TTBK2: variants seen among roughly 807,000 people sequenced by gnomAD.
The protein encoded by TTBK2 is tau tubulin kinase 2.
A neutral mutation model predicts 110.8 loss-of-function variants in TTBK2; 28 were observed. The observed-to-expected ratio is 0.25, with a 90% CI of 0.19 to 0.35. TTBK2 has a LOEUF of 0.35. Among genes scored for constraint, TTBK2 ranks in the 10% least tolerant of loss-of-function variants. TTBK2 has a pLI of 1.00. For missense variants in TTBK2, 1,369 were observed against 1,500.3 expected (o/e 0.91, Z 1.45); for synonymous variants, 532 against 527.3 (o/e 1.01, Z -0.12).
intron 3 of TTBK2, among the ~76,000 whole-genome samples, chr15:42,864,769 T>C (rs1219557949): frequency 2.0e-5 from 3 of 152,250 alleles, no homozygotes; most frequent in Middle Eastern, 3.4e-3. Context: ...GAAAGTAATA[T>C]AGGGTAGAAA....
At chr15:42,889,695 T>C (rs1895379262) in intron 1 of TTBK2, among the ~76,000 whole-genome samples, 2 of 152,164 alleles carry the variant, frequency 1.3e-5, no homozygotes, top group African/African-American at 4.8e-5. Context: ...AGTTTCTCAA[T>C]TGATACAAAA....
At chr15:42,757,381 G>A (rs1320921905) in intron 13 of TTBK2, among the ~76,000 whole-genome samples, 1 of 152,148 alleles carries the variant, frequency 6.6e-6, no homozygotes, top group Non-Finnish European at 1.5e-5. Flanking sequence ...AAAGTGCTGG[G>A]ATTACAGGTA....
chr15:42,797,227 CTCTG>C (rs1204004156), intron 9 of TTBK2, among the ~76,000 whole-genome samples: 2 of 152,242 alleles, frequency 1.3e-5, no homozygotes, highest in African/African-American at 2.4e-5. Context: ...CTGCTAAATT[CTCTG>C]TCTGTACTGT....
rs763349305 is a variant in TTBK2 at position 42,758,319 on chromosome 15, C to T, written c.1999-5072G>A. Among the ~76,000 whole-genome samples the T allele has an allele frequency of 5.3e-5, 8 of 152,216 alleles. No individual in the cohort carries two copies. The East Asian group carries it at 5.8e-4, about 11-fold the overall frequency. ...TAGCCATTCAAATTCTACCATAGAC[C>T]TTTTTTGTCTAAAGCAGCTTTATAT... is the stretch of plus-strand genomic sequence containing the variant. On this transcript the variant is annotated intron_variant, in intron 13 of 14. Transcript: ENST00000267890.
At chr15:42,881,700 C>T (rs1270855612) in intron 1 of TTBK2, among the ~76,000 whole-genome samples, 1 of 151,796 alleles carries the variant, frequency 6.6e-6, no homozygotes, top group Non-Finnish European at 1.5e-5. Flanking sequence ...GGTGAAACCC[C>T]ATCTCTACTA....
At position 42,837,320 on chromosome 15, in the gene TTBK2, T is replaced by C. The variant is rs574476349; in HGVS notation, c.291+3040A>G. Reference sequence around the variant, plus strand: ...TTGCAGTGAGCTGAGATCACGCCACTGCACTCCAGCCTGGGTGACAAAGCG... The same window carrying C: ...TTGCAGTGAGCTGAGATCACGCCACCGCACTCCAGCCTGGGTGACAAAGCG... On this transcript the variant is annotated intron_variant, in intron 4 of 14. Transcript: ENST00000267890. 1.4e-3 allele frequency among the ~76,000 whole-genome samples: 199 copies of C among 145,162 alleles called. 1 individual carries two copies. The highest frequency in any genetic ancestry group is 7.1e-3 in the Middle Eastern group (2 of 282).
intron 1 of TTBK2, among the ~76,000 whole-genome samples, chr15:42,893,897 C>T (rs1489199321): frequency 6.6e-6 from 1 of 152,184 alleles, no homozygotes; most frequent in Non-Finnish European, 1.5e-5. Context: ...CAAACTACCA[C>T]AATTCACCCA....
At chr15:42,771,317 C>T (rs1889665502) in intron 13 of TTBK2, among the ~76,000 whole-genome samples, 1 of 151,970 alleles carries the variant, frequency 6.6e-6, no homozygotes, top group Non-Finnish European at 1.5e-5. Flanking sequence ...AATTACCATG[C>T]TAAAAAAAAA....
intron 9 of TTBK2, chr15:42,801,830 G>C (rs765441112): frequency 1.1e-6 from 1 of 885,034 alleles, no homozygotes; most frequent in Non-Finnish European, 1.9e-6. Context: ...TCCTTGATGA[G>C]CACAAATTCA....
chr15:42,868,271 A>G (rs1310754444), intron 3 of TTBK2, among the ~76,000 whole-genome samples: 1 of 152,214 alleles, frequency 6.6e-6, no homozygotes, highest in Non-Finnish European at 1.5e-5. Flanking sequence ...CTATATACAC[A>G]TAATGGTGGA....
At chr15:42,903,407 A>G (rs915429401) in intron 1 of TTBK2, among the ~76,000 whole-genome samples, 1 of 152,240 alleles carries the variant, frequency 6.6e-6, no homozygotes, top group African/African-American at 2.4e-5. Context: ...TACACTTAAA[A>G]ATGCTTAAAA....
chr15:42,753,018 G>C lies in TTBK2; in HGVS notation c.2228C>G (p.Pro743Arg). 1 of 1,614,058 alleles carries C rather than the reference G, an allele frequency of 6.2e-7. No homozygotes were observed. The highest frequency in any genetic ancestry group is 8.5e-7 in the Non-Finnish European group (1 of 1,180,024). ...QIDHIGHDMLPNIRESNKSQD... is the reference protein window; with the variant it reads ...QIDHIGHDMLRNIRESNKSQD... ...AGATTTGTTACTTTCTCTAATGTTGGGTAACATGTCATGACCAATGTGATC... is the reference window on the plus strand; with the variant it reads ...AGATTTGTTACTTTCTCTAATGTTGCGTAACATGTCATGACCAATGTGATC... Residue 743 changes from proline to arginine, a missense_variant, in exon 14 of 15, where the codon CCC (proline) becomes CGC (arginine). Physicochemically the swap from Pro to Arg is moderately radical, Grantham distance 103. This residue lies in a region of TTBK2 where 1,097 missense variants were observed against 1,114.7 expected (regional missense o/e 0.98). Coordinates refer to ENST00000267890, the MANE Select transcript of TTBK2 (RefSeq NM_173500.4).
chr15:42,794,779 T>C lies in TTBK2; in HGVS notation c.845A>G (p.Asn282Ser), dbSNP rs1449074874. The C allele has an allele frequency of 6.2e-7, 1 of 1,614,120 alleles. No individual in the cohort carries two copies. The highest frequency in any genetic ancestry group is 1.1e-5 in the South Asian group (1 of 91,088). ...AATTACTCCAAAAGTCTTGATGCTA[T>C]TGTCAAACACGGATGTAAGAAGCTA... is the stretch of plus-strand genomic sequence containing the variant. ...DYQLLTSVFDNSIKTFGVIES... is the reference protein window; with the variant it reads ...DYQLLTSVFDSSIKTFGVIES... The change falls in exon 10 of 15, where the codon AAT becomes AGT. Residue 282 changes from asparagine to serine, a missense_variant. By Grantham distance (46) the Asn-to-Ser change is conservative. Transcript: ENST00000267890.
chr15:42,787,995 A>T (rs1890482391), intron 10 of TTBK2, among the ~76,000 whole-genome samples: 1 of 152,018 alleles, frequency 6.6e-6, no homozygotes, highest in South Asian at 2.1e-4. Flanking sequence ...ACAGCATGTC[A>T]CTGTTCTGAA....
intron 4 of TTBK2, 145 bp from the exon 5 acceptor site, chr15:42,830,223 T>C (rs1018956095): frequency 5.2e-6 from 5 of 969,702 alleles, no homozygotes; most frequent in Non-Finnish European, 7.7e-6. Context: ...GTTTCACTCT[T>C]GTTGCCCAGG....
At chr15:42,788,201 G>C (rs144865628) in intron 10 of TTBK2, among the ~76,000 whole-genome samples, 15 of 152,224 alleles carry the variant, frequency 9.9e-5, no homozygotes, top group African/African-American at 3.6e-4. Context: ...CAGTAAAAGG[G>C]CCTTTGATAT....
intron 13 of TTBK2, among the ~76,000 whole-genome samples, chr15:42,758,396 C>A (rs1239479356): frequency 1.3e-5 from 2 of 152,232 alleles, no homozygotes; most frequent in African/African-American, 4.8e-5. Flanking sequence ...TGGCTCACGC[C>A]TGTAATCCCA....
intron 4 of TTBK2, among the ~76,000 whole-genome samples, chr15:42,833,259 A>G (rs1892839161): frequency 6.6e-6 from 1 of 151,218 alleles, no homozygotes; most frequent in Non-Finnish European, 1.5e-5. Flanking sequence ...AAAAAAAAAA[A>G]AAAAAAAAAA....
chr15:42,815,875 A>AATATATATATATTTAAAAAT lies in TTBK2; in HGVS notation c.603+1137_603+1156dup, dbSNP rs1417154437. On this transcript the variant is annotated intron_variant, in intron 7 of 14. Transcript: ENST00000267890. ...CTCTCTCTCTATATATATATATTTAAATATATATATATTTAAAAATATATA... is the reference window on the plus strand; with the variant it reads ...CTCTCTCTCTATATATATATATTTAAATATATATATATTTAAAAATATATATATATATTTAAAAATATATA... Among the ~76,000 whole-genome samples, 131 of 111,826 alleles carry AATATATATATATTTAAAAAT rather than the reference A, an allele frequency of 1.2e-3. 1 individual carries two copies. The highest frequency in any genetic ancestry group is 1.6e-3 in the Non-Finnish European group (97 of 60,646). The allele number at this position is 111,826 out of a possible 152,430, so 73.4% of individuals were successfully genotyped here.
Sources: allele counts gnomAD v4.1 joint callset (sites outside exome capture counted in the v4.1 genomes callset), GRCh38; gene constraint gnomAD v4.1.1; regional missense constraint gnomAD v4.1.1; transcripts MANE v1.5; gene names NCBI Gene and HGNC (gene_info 2026-07-23, HGNC 2026-07-21).